The following PBX1 variants were observed in gnomAD, a reference collection of about 807,000 sequenced individuals.
The protein encoded by PBX1 is pre-B-cell leukemia transcription factor 1.
In PBX1, 6 loss-of-function variants were observed where a neutral mutation model predicts 53.4. The ratio of observed to expected loss-of-function variants is 0.11; its 90% CI spans 0.06 to 0.22. PBX1 has a LOEUF of 0.22. Among genes scored for constraint, PBX1 ranks in the 10% least tolerant of loss-of-function variants. The pLI, the probability that PBX1 is intolerant of heterozygous loss-of-function variation, is 1.00. For missense variants in PBX1, 251 were observed against 551.4 expected (o/e 0.46, Z 5.46); for synonymous variants, 204 against 212.3 (o/e 0.96, Z 0.34).
chr1:164,750,670 G>T (rs896488510), intron 2 of PBX1, among the ~76,000 whole-genome samples: 1 of 152,130 alleles, frequency 6.6e-6, no homozygotes, highest in Admixed American at 6.5e-5. Flanking sequence ...AATGTTCATT[G>T]TTCTTTTTCT....
At position 164,870,698 on chromosome 1, in the gene PBX1, C is replaced by G. The variant is rs543966011; in HGVS notation, n.258-28490C>G. Among the ~76,000 whole-genome samples the G allele has an allele frequency of 9.2e-5, 14 of 152,278 alleles. 1 individual carries two copies. Among genetic ancestry groups the G allele is most frequent in the African/African-American group, 3.1e-4 (13 of 41,556 alleles). On this transcript the variant is annotated intron_variant and non_coding_transcript_variant, in intron 2 of 2. Transcript: ENST00000558796. ...CACGAGGAGTTTGTGCTTTTGAATT[C>G]TAACATTTCTCTAGCTCTACCATTC...
At chr1:164,748,327 A>G (rs890591797) in intron 2 of PBX1, among the ~76,000 whole-genome samples, 2 of 152,142 alleles carry the variant, frequency 1.3e-5, no homozygotes, top group African/African-American at 4.8e-5. Context: ...GCTGGCTTCT[A>G]GAAGCAGTCA....
chr1:164,646,125 T>C (rs1207792142), intron 2 of PBX1, among the ~76,000 whole-genome samples: 2 of 152,192 alleles, frequency 1.3e-5, no homozygotes, highest in Non-Finnish European at 2.9e-5. Flanking sequence ...TGTGCCTCCT[T>C]TTCTTGATGG....
chr1:164,738,531 A>T (rs544647966), intron 2 of PBX1, among the ~76,000 whole-genome samples: 1 of 152,110 alleles, frequency 6.6e-6, no homozygotes, highest in Non-Finnish European at 1.5e-5. Flanking sequence ...ACCTCATGCA[A>T]TTCTCCCAAA....
chr1:164,760,311 C>T (rs1208830592), intron 2 of PBX1, among the ~76,000 whole-genome samples: 1 of 151,948 alleles, frequency 6.6e-6, no homozygotes, highest in East Asian at 1.9e-4. Context: ...CAACAGGATC[C>T]TGTATCTAAA....
At chr1:164,621,101 G>C (rs1363402470) in intron 2 of PBX1, among the ~76,000 whole-genome samples, 2 of 152,222 alleles carry the variant, frequency 1.3e-5, no homozygotes, top group African/African-American at 4.8e-5. Context: ...CGATTCTCCT[G>C]CCTCAGCCTC....
chr1:164,618,190 C>T (rs1348231109), intron 2 of PBX1, among the ~76,000 whole-genome samples: 1 of 152,092 alleles, frequency 6.6e-6, no homozygotes, highest in Non-Finnish European at 1.5e-5. Context: ...GAACAACTCT[C>T]CTCCTCCCCG....
intron 2 of PBX1, among the ~76,000 whole-genome samples, chr1:164,731,323 A>AC (rs1019574020): frequency 2.6e-5 from 4 of 152,110 alleles, no homozygotes; most frequent in Non-Finnish European, 5.9e-5. Flanking sequence ...AAAAAAAAAA[A>AC]AAAAACTCTC....
intron 2 of PBX1, among the ~76,000 whole-genome samples, chr1:164,704,710 A>G (rs1663329772): frequency 1.3e-5 from 2 of 152,140 alleles, no homozygotes; most frequent in African/African-American, 4.8e-5. Flanking sequence ...CTTTCGTTAT[A>G]TCTTACTTTA....
At chr1:164,671,238 T>C (rs1226453018) in intron 2 of PBX1, among the ~76,000 whole-genome samples, 37 of 152,302 alleles carry the variant, frequency 2.4e-4, no homozygotes, top group Non-Finnish European at 2.9e-5. Context: ...TTGTTTTTCC[T>C]TTTCATTATA....
chr1:164,834,027 A>ATGTGTGTGTG (rs1289743111), intron 8 of PBX1, among the ~76,000 whole-genome samples: 19 of 79,266 alleles, frequency 2.4e-4, no homozygotes, highest in South Asian at 1.0e-3. Context: ...ATATATATGT[A>ATGTGTGTGTG]TATGTGTGTG....
At chr1:164,800,648 G>A (rs1669022791) in intron 4 of PBX1, among the ~76,000 whole-genome samples, 1 of 152,176 alleles carries the variant, frequency 6.6e-6, no homozygotes, top group Non-Finnish European at 1.5e-5. Flanking sequence ...CTGTTATCCA[G>A]CCTGTAAGAT....
chr1:164,869,895 G>T (rs1672308279), intron 2 of PBX1, among the ~76,000 whole-genome samples: 1 of 152,162 alleles, frequency 6.6e-6, no homozygotes, highest in Admixed American at 6.5e-5. Context: ...CACATTCAAA[G>T]GTCCTGGGGT....
chr1:164,712,027 C>A (rs968835295), intron 2 of PBX1, among the ~76,000 whole-genome samples: 2 of 150,452 alleles, frequency 1.3e-5, no homozygotes, highest in South Asian at 4.3e-4. Flanking sequence ...CAAACCCCCC[C>A]ACCGTAAGAG....
chr1:164,678,333 G>C (rs1460252914), intron 2 of PBX1, among the ~76,000 whole-genome samples: 1 of 152,158 alleles, frequency 6.6e-6, no homozygotes, highest in Non-Finnish European at 1.5e-5. Context: ...AAGGCTCTCT[G>C]TGTATCACAG....
At chr1:164,676,006 T>G (rs1327856224) in intron 2 of PBX1, among the ~76,000 whole-genome samples, 1 of 152,152 alleles carries the variant, frequency 6.6e-6, no homozygotes, top group Admixed American at 6.5e-5. Flanking sequence ...CCTTTATATT[T>G]GGTATGAACG....
intron 2 of PBX1, among the ~76,000 whole-genome samples, chr1:164,714,174 T>C (rs1453153196): frequency 6.6e-6 from 1 of 152,264 alleles, no homozygotes; most frequent in Non-Finnish European, 1.5e-5. Flanking sequence ...TTTTGGTTAA[T>C]GCTCTAGATT....
At chr1:164,732,713 A>C (rs917501370) in intron 2 of PBX1, among the ~76,000 whole-genome samples, 1 of 152,086 alleles carries the variant, frequency 6.6e-6, no homozygotes, top group Non-Finnish European at 1.5e-5. Context: ...TGTACACCTC[A>C]TACCAGCCTC....
At chr1:164,823,626 G>C (rs12744722) in intron 8 of PBX1, among the ~76,000 whole-genome samples, 34,536 of 124,032 alleles carry the variant, frequency 0.28, 5,552 homozygotes, top group Non-Finnish European at 0.34. Context: ...GTGGGGGGGG[G>C]GGTCAACACT....
Sources: gnomAD v4.1 joint callset for allele counts (sites outside exome capture counted in the v4.1 genomes callset) on GRCh38, gnomAD v4.1.1 for gene constraint, MANE v1.5 for transcripts, NCBI Gene and HGNC (gene_info 2026-07-23, HGNC 2026-07-21) for gene names.